Variants in SGK1 observed in about 807,000 individuals in gnomAD.
SGK1 encodes the protein serum/glucocorticoid regulated kinase 1, also known as serine/threonine-protein kinase Sgk1.
Under a neutral mutation model 64.2 loss-of-function variants are expected in SGK1, and 26 were observed. That is an observed-to-expected ratio of 0.40 (90% CI 0.30 to 0.56). SGK1 has a LOEUF of 0.56. Ranked by LOEUF, SGK1 falls within the 20% of genes least tolerant of loss-of-function variation. The probability of loss-of-function intolerance (pLI) is 0.38; values close to 1 mark genes in which losing one functional copy is unlikely to be tolerated. For synonymous variants in SGK1, 265 were observed against 239.7 expected (o/e 1.11, Z -0.98); for missense variants, 519 against 645.6 (o/e 0.80, Z 2.12).
At chr6:134,236,902 CTA>C (rs1776372564) in intron 2 of SGK1, among the ~76,000 whole-genome samples, 1 of 152,134 alleles carries the variant, frequency 6.6e-6, no homozygotes, top group Non-Finnish European at 1.5e-5. Context: ...GCCATCACTG[CTA>C]TTTTAAATTT....
chr6:134,199,558 C>CAAAAAAAAAAAA (rs369760659), intron 3 of SGK1, among the ~76,000 whole-genome samples: 5 of 81,362 alleles, frequency 6.1e-5, no homozygotes, highest in Non-Finnish European at 1.1e-4. Context: ...GACTCTCTCT[C>CAAAAAAAAAAAA]AAAAAAAAAA....
intron 3 of SGK1, among the ~76,000 whole-genome samples, chr6:134,197,577 G>A (rs916520086): frequency 1.2e-4 from 19 of 152,108 alleles, no homozygotes; most frequent in Non-Finnish European, 2.6e-4. Flanking sequence ...TGTAATCCCA[G>A]CACTTTGGGA....
intron 3 of SGK1, among the ~76,000 whole-genome samples, chr6:134,192,793 A>T (rs1244399666): frequency 6.6e-6 from 1 of 151,944 alleles, no homozygotes; most frequent in Non-Finnish European, 1.5e-5. Context: ...ACTCGACCTC[A>T]AATGACCCGC....
chr6:134,301,531 T>TCTTC (rs1777454108), intron 1 of SGK1, among the ~76,000 whole-genome samples: 47 of 139,126 alleles, frequency 3.4e-4, no homozygotes, highest in South Asian at 1.4e-3. Context: ...CTTTTCTCTT[T>TCTTC]TCTTCTCTTC....
chr6:134,228,423 C>T (rs1007806144), intron 2 of SGK1, among the ~76,000 whole-genome samples: 2 of 152,004 alleles, frequency 1.3e-5, no homozygotes, highest in African/African-American at 2.4e-5. Context: ...TAGAACATAA[C>T]ATTGAAAAAA....
At position 134,194,510 on chromosome 6, in the gene SGK1, A is replaced by G. The variant is rs887364388; in HGVS notation, c.361+12846T>C. ...AATAAGCTGTTAAATTCAATTTGTC[A>G]AAAGTTTTTCTTTTTTTTTTTTTTT... On this transcript the variant is annotated intron_variant, in intron 3 of 13. Transcript: ENST00000367858. Among the ~76,000 whole-genome samples, 7 of 148,296 alleles carry G rather than the reference A, an allele frequency of 4.7e-5. No individual in the cohort carries two copies. The South Asian group carries it at 1.5e-3, about 32-fold the overall frequency.
intron 2 of SGK1, among the ~76,000 whole-genome samples, chr6:134,231,287 G>A (rs1015698931): frequency 1.3e-5 from 2 of 152,302 alleles, no homozygotes; most frequent in South Asian, 4.1e-4. Flanking sequence ...AAAACCTAAA[G>A]TGGAAAATGC....
At chr6:134,197,884 A>T (rs1161415292) in intron 3 of SGK1, among the ~76,000 whole-genome samples, 14 of 86,726 alleles carry the variant, frequency 1.6e-4, no homozygotes, top group African/African-American at 4.2e-4. Flanking sequence ...TAAAATATAA[A>T]ATAAAATAAA....
At chr6:134,232,495 GAAAA>G (rs1562259875) in intron 2 of SGK1, among the ~76,000 whole-genome samples, 1 of 125,574 alleles carries the variant, frequency 8.0e-6, no homozygotes, top group Non-Finnish European at 1.7e-5. Flanking sequence ...GAAAGAAAAA[GAAAA>G]GAAAGAAGAG....
chr6:134,279,403 C>T (rs1483542442), intron 1 of SGK1, among the ~76,000 whole-genome samples: 1 of 148,652 alleles, frequency 6.7e-6, no homozygotes, highest in Non-Finnish European at 1.5e-5. Flanking sequence ...TGCACTCCAA[C>T]GTGGGCAATA....
chr6:134,290,847 T>C (rs914570475), intron 1 of SGK1, among the ~76,000 whole-genome samples: 7 of 152,192 alleles, frequency 4.6e-5, no homozygotes, highest in African/African-American at 1.7e-4. Flanking sequence ...GCTTTACATG[T>C]GCAGGGCCCT....
At chr6:134,287,043 C>T (rs1468444222) in intron 1 of SGK1, among the ~76,000 whole-genome samples, 1 of 152,050 alleles carries the variant, frequency 6.6e-6, no homozygotes, top group Non-Finnish European at 1.5e-5. Flanking sequence ...ACCATCTTGG[C>T]TCACTGCTAC....
At chr6:134,176,585 G>T (rs2114647122) in intron 3 of SGK1, among the ~76,000 whole-genome samples, 1 of 152,262 alleles carries the variant, frequency 6.6e-6, no homozygotes, top group East Asian at 1.9e-4. Flanking sequence ...TATTCGCAGG[G>T]CCAGGTACCT....
At chr6:134,189,004 C>G (rs946937774) in intron 3 of SGK1, among the ~76,000 whole-genome samples, 1 of 150,534 alleles carries the variant, frequency 6.6e-6, no homozygotes, top group Non-Finnish European at 1.5e-5. Flanking sequence ...CCTTGGTCTC[C>G]CAAAATGCTG....
intron 1 of SGK1, chr6:134,297,826 G>A: frequency 1.4e-6 from 1 of 694,292 alleles, no homozygotes; most frequent in Non-Finnish European, 2.6e-6. Flanking sequence ...GTATGCTGCA[G>A]GTCATCCCCG....
At chr6:134,172,155 C>CG (rs771172769) in intron 10 of SGK1, 38 bp downstream of exon 10, 47 of 1,605,394 alleles carry the variant, frequency 2.9e-5, no homozygotes, top group Admixed American at 7.0e-5. Context: ...TCTTGGAAGG[C>CG]GGGGGTAAAC....
At chr6:134,286,400 G>A (rs1010105528) in intron 1 of SGK1, among the ~76,000 whole-genome samples, 1 of 152,080 alleles carries the variant, frequency 6.6e-6, no homozygotes, top group African/African-American at 2.4e-5. Context: ...TAAGGCTGCA[G>A]TAAGCCGTGA....
Position 134,232,976 on chromosome 6 carries a change from T to C in SGK1, c.286-25545A>G, listed in dbSNP as rs1451637709. ...TGTTTTCTATTTCTTCAATTTTTAA[T>C]AATATTTTAATATTATATTCATAAT... On this transcript the variant is annotated intron_variant, in intron 2 of 13. Coordinates refer to ENST00000367858, the MANE Select transcript of SGK1 (RefSeq NM_001143676.3). Among the ~76,000 whole-genome samples the C allele has an allele frequency of 2.0e-5, 3 of 149,710 alleles. No homozygotes were observed. In the East Asian group the frequency reaches 6.3e-4, roughly 31 times the overall value.
intron 1 of SGK1, among the ~76,000 whole-genome samples, chr6:134,313,405 G>A (rs979068728): frequency 1.3e-5 from 2 of 152,002 alleles, no homozygotes; most frequent in Non-Finnish European, 2.9e-5. Context: ...AGTCAAAATG[G>A]AACGGTCTTG....
Sources: gnomAD v4.1 joint callset for allele counts (sites outside exome capture counted in the v4.1 genomes callset) on GRCh38, gnomAD v4.1.1 for gene constraint, MANE v1.5 for transcripts, NCBI Gene and HGNC (gene_info 2026-07-23, HGNC 2026-07-21) for gene names.